DUSP16: variants seen among roughly 807,000 people sequenced by gnomAD.
DUSP16 encodes dual specificity phosphatase 16, also known as dual specificity protein phosphatase 16.
DUSP16 carries 21 observed loss-of-function variants against 58.3 expected under a neutral mutation model. The ratio of observed to expected loss-of-function variants is 0.36; its 90% CI spans 0.26 to 0.52. The LOEUF (loss-of-function observed/expected upper bound fraction) is 0.52. Ranked by LOEUF, DUSP16 falls within the 20% of genes least tolerant of loss-of-function variation. The pLI is 0.94. For missense variants in DUSP16, 726 were observed against 819.0 expected, an observed-to-expected ratio of 0.89 and a Z score of 1.39; for synonymous variants, 320 against 323.8, an observed-to-expected ratio of 0.99 and a Z score of 0.12.
At chr12:12,551,619 A>G (rs533076421) in intron 1 of DUSP16, among the ~76,000 whole-genome samples, 1 of 152,150 alleles carries the variant, frequency 6.6e-6, no homozygotes, top group South Asian at 2.1e-4. Context: ...GGTGATATTA[A>G]TGACTGTGAT....
At chr12:12,502,706 C>T (rs896219096) in intron 3 of DUSP16, among the ~76,000 whole-genome samples, 1 of 152,004 alleles carries the variant, frequency 6.6e-6, no homozygotes, top group Non-Finnish European at 1.5e-5. Context: ...TATGCACCAC[C>T]ACCCTCGGCT....
chr12:12,535,564 A>G, intron 1 of DUSP16, among the ~76,000 whole-genome samples: 1 of 152,150 alleles, frequency 6.6e-6, no homozygotes, highest in Non-Finnish European at 1.5e-5. Flanking sequence ...CAAAGTCTCA[A>G]TTTCCCACTC....
intron 1 of DUSP16, among the ~76,000 whole-genome samples, chr12:12,549,021 T>C (rs1333438121): frequency 1.3e-5 from 2 of 152,226 alleles, no homozygotes; most frequent in Non-Finnish European, 2.9e-5. Context: ...TGTACTTTAA[T>C]TACAGACAAT....
chr12:12,559,055 A>C (rs1944854263), intron 1 of DUSP16, among the ~76,000 whole-genome samples: 2 of 152,194 alleles, frequency 1.3e-5, no homozygotes, highest in African/African-American at 4.8e-5. Context: ...AAATTCGGCC[A>C]ACCTTTATGA....
chr12:12,503,740 G>C (rs1005743521), intron 3 of DUSP16, among the ~76,000 whole-genome samples: 1 of 152,166 alleles, frequency 6.6e-6, no homozygotes, highest in African/African-American at 2.4e-5. Flanking sequence ...GGCAGAGTCA[G>C]AGCACATGTT....
intron 3 of DUSP16, among the ~76,000 whole-genome samples, chr12:12,514,176 T>C (rs1385799532): frequency 6.6e-6 from 1 of 152,082 alleles, no homozygotes; most frequent in Non-Finnish European, 1.5e-5. Flanking sequence ...GCTGAAAAAA[T>C]ACAAGATAAT....
intron 1 of DUSP16, among the ~76,000 whole-genome samples, chr12:12,525,753 CACACACACA>C (rs1944297315): frequency 1.3e-5 from 2 of 151,704 alleles, no homozygotes; most frequent in African/African-American, 4.8e-5. Context: ...CACACACACA[CACACACACA>C]ATTTTCCCCC....
chr12:12,532,134 C>T (rs559170722), intron 1 of DUSP16, among the ~76,000 whole-genome samples: 3 of 151,770 alleles, frequency 2.0e-5, no homozygotes, highest in Non-Finnish European at 4.4e-5. Flanking sequence ...GTCCGCAGTC[C>T]GGCCTGGGCG....
chr12:12,543,519 A>G (rs1354218653), intron 1 of DUSP16, among the ~76,000 whole-genome samples: 1 of 152,192 alleles, frequency 6.6e-6, no homozygotes, highest in Non-Finnish European at 1.5e-5. Context: ...ACTTCCAATA[A>G]TTTGTCTTAT....
In DUSP16 at chr12:12,476,432, C is replaced by T. The variant is rs182745523; in HGVS notation, c.*401G>A. On this transcript the variant is annotated 3_prime_UTR_variant, in exon 7 of 7. Coordinates refer to ENST00000298573, the MANE Select transcript of DUSP16 (RefSeq NM_030640.3). ...GACCCCCAAGCTGGCTCAGTCTCAG[C>T]GCTAAGGTGTACTATGGAAGGGTCC... 11 of 162,184 alleles carry T rather than the reference C, an allele frequency of 6.8e-5. No homozygotes were observed. The East Asian group carries it at 9.3e-4, about 14-fold the overall frequency. The allele number at this position is 162,184 out of a possible 1,614,324, so 10.0% of individuals were successfully genotyped here.
intron 1 of DUSP16, among the ~76,000 whole-genome samples, chr12:12,537,321 A>G (rs1484629558): frequency 6.6e-6 from 1 of 152,228 alleles, no homozygotes; most frequent in African/African-American, 2.4e-5. Context: ...AAATTTTTAA[A>G]AAGTTTTTAA....
At chr12:12,492,787 G>C (rs1452127061) in intron 4 of DUSP16, among the ~76,000 whole-genome samples, 1 of 152,076 alleles carries the variant, frequency 6.6e-6, no homozygotes, top group Non-Finnish European at 1.5e-5. Context: ...TAGTCATGTT[G>C]CTAAATCCAA....
chr12:12,521,808 T>C (rs1434101199), intron 1 of DUSP16, among the ~76,000 whole-genome samples: 1 of 152,220 alleles, frequency 6.6e-6, no homozygotes, highest in Non-Finnish European at 1.5e-5. Context: ...TCCAAATAGT[T>C]TTCCTATATT....
intron 1 of DUSP16, among the ~76,000 whole-genome samples, chr12:12,529,243 C>G (rs1944348520): frequency 6.6e-6 from 1 of 152,164 alleles, no homozygotes; most frequent in Admixed American, 6.5e-5. Flanking sequence ...TCCCAAGTAA[C>G]TGGGACCACA....
At chr12:12,535,708 A>G (rs1314671193) in intron 1 of DUSP16, among the ~76,000 whole-genome samples, 1 of 152,262 alleles carries the variant, frequency 6.6e-6, no homozygotes, top group Non-Finnish European at 1.5e-5. Context: ...ACAAATATGA[A>G]AAGATAACAT....
chr12:12,496,108 T>A (rs1483542822), intron 4 of DUSP16, among the ~76,000 whole-genome samples: 2 of 152,252 alleles, frequency 1.3e-5, no homozygotes, highest in African/African-American at 4.8e-5. Flanking sequence ...TCAACCATCA[T>A]GCCGTGCTGC....
At chr12:12,484,971 A>T (rs1340494726) in intron 5 of DUSP16, among the ~76,000 whole-genome samples, 1 of 151,012 alleles carries the variant, frequency 6.6e-6, no homozygotes, top group African/African-American at 2.4e-5. Context: ...TAGAAGTACA[A>T]TGGGAGGGTG....
At chr12:12,484,616 A>T (rs891019168) in intron 5 of DUSP16, among the ~76,000 whole-genome samples, 5 of 151,850 alleles carry the variant, frequency 3.3e-5, no homozygotes, top group Admixed American at 2.6e-4. Context: ...ACCGTAATTT[A>T]TTTTTTTTAT....
intron 1 of DUSP16, among the ~76,000 whole-genome samples, chr12:12,525,267 A>G (rs1944288240): frequency 6.6e-6 from 1 of 151,478 alleles, no homozygotes; most frequent in Non-Finnish European, 1.5e-5. Flanking sequence ...TAAAACATGT[A>G]GAAATTCTTT....
Sources: allele counts gnomAD v4.1 joint callset (sites outside exome capture counted in the v4.1 genomes callset), GRCh38; gene constraint gnomAD v4.1.1; transcripts MANE v1.5; gene names NCBI Gene and HGNC (gene_info 2026-07-23, HGNC 2026-07-21).